FGF12: variants seen among roughly 807,000 people sequenced by gnomAD.
FGF12 encodes fibroblast growth factor 12B.
In FGF12, 14 loss-of-function variants were observed where a neutral mutation model predicts 23.6. The observed-to-expected ratio is 0.59, with a 90% CI of 0.39 to 0.93. FGF12 has a LOEUF of 0.93. Among genes scored for constraint, FGF12 ranks in the 40% least tolerant of loss-of-function variants. The probability of loss-of-function intolerance (pLI) is 0.00; values close to 1 mark genes in which losing one functional copy is unlikely to be tolerated. For synonymous variants in FGF12, 62 were observed against 77.3 expected (o/e 0.80, Z 1.04); for missense variants, 175 against 217.8 (o/e 0.80, Z 1.24).
At chr3:192,357,272 AGGAGAT>A (rs1171764548) in intron 3 of FGF12, among the ~76,000 whole-genome samples, 5 of 152,144 alleles carry the variant, frequency 3.3e-5, no homozygotes, top group Non-Finnish European at 5.9e-5. Context: ...TCACCAGGTC[AGGAGAT>A]CGAGACCATC....
At chr3:192,242,963 G>T (rs1160817568) in intron 4 of FGF12, among the ~76,000 whole-genome samples, 9 of 152,000 alleles carry the variant, frequency 5.9e-5, no homozygotes, top group Non-Finnish European at 1.3e-4. Flanking sequence ...TTAAAAGACA[G>T]AAATCATTTT....
chr3:192,248,110 T>C (rs1000603590), intron 4 of FGF12, among the ~76,000 whole-genome samples: 3 of 152,182 alleles, frequency 2.0e-5, no homozygotes, highest in African/African-American at 7.2e-5. Context: ...ACTATGAACA[T>C]CTACTTCCTC....
chr3:192,604,197 T>G (rs1445141166), intron 2 of FGF12, among the ~76,000 whole-genome samples: 2 of 152,136 alleles, frequency 1.3e-5, no homozygotes, highest in Non-Finnish European at 2.9e-5. Flanking sequence ...TAAAAATCGC[T>G]GTTATTCTGT....
At chr3:192,649,242 T>C (rs1037699996) in intron 2 of FGF12, among the ~76,000 whole-genome samples, 3 of 152,136 alleles carry the variant, frequency 2.0e-5, no homozygotes, top group African/African-American at 7.2e-5. Flanking sequence ...CAGTAGAGGA[T>C]TGATCGCCAC....
intron 4 of FGF12, among the ~76,000 whole-genome samples, chr3:192,248,080 T>C (rs1181551186): frequency 1.3e-5 from 2 of 152,148 alleles, no homozygotes; most frequent in Admixed American, 6.6e-5. Flanking sequence ...CAATATACTA[T>C]CTAGAATCAA....
intron 2 of FGF12, among the ~76,000 whole-genome samples, chr3:192,372,003 G>C (rs1413668150): frequency 1.3e-5 from 2 of 152,162 alleles, no homozygotes; most frequent in African/African-American, 2.4e-5. Flanking sequence ...TGGAGTTGCA[G>C]ACATAGCTTT....
At chr3:192,677,030 G>A (rs902257863) in intron 2 of FGF12, among the ~76,000 whole-genome samples, 26 of 152,204 alleles carry the variant, frequency 1.7e-4, no homozygotes, top group African/African-American at 5.5e-4. Context: ...CCAGTGTCTA[G>A]TAAGTCACTC....
At chr3:192,464,934 T>C (rs114045330) in intron 2 of FGF12, among the ~76,000 whole-genome samples, 1,643 of 152,322 alleles carry the variant, frequency 0.011, 26 homozygotes, top group African/African-American at 0.037. Context: ...GAGAAGTTCC[T>C]ATCTCATTGT....
chr3:192,184,978 C>CA, intron 4 of FGF12, among the ~76,000 whole-genome samples: 1 of 152,340 alleles, frequency 6.6e-6, no homozygotes, highest in Middle Eastern at 3.4e-3. Context: ...TCACAGATTT[C>CA]ATTACAATTT....
At chr3:192,241,102 A>G (rs1451481698) in intron 4 of FGF12, among the ~76,000 whole-genome samples, 1 of 152,200 alleles carries the variant, frequency 6.6e-6, no homozygotes, top group African/African-American at 2.4e-5. Context: ...ACAAAACCCA[A>G]TTTTTAACAT....
At chr3:192,379,370 T>C (rs989908110) in intron 2 of FGF12, among the ~76,000 whole-genome samples, 4 of 125,440 alleles carry the variant, frequency 3.2e-5, no homozygotes, top group African/African-American at 1.2e-4. Context: ...AAGGGATACA[T>C]AAGAAATCCC....
intron 4 of FGF12, among the ~76,000 whole-genome samples, chr3:192,257,397 G>T (rs1712466882): frequency 6.6e-6 from 1 of 152,060 alleles, no homozygotes. Context: ...TCAGAGAGTG[G>T]CAGATGAAGC....
At chr3:192,636,217 T>C (rs1715577456) in intron 2 of FGF12, among the ~76,000 whole-genome samples, 2 of 152,234 alleles carry the variant, frequency 1.3e-5, no homozygotes, top group South Asian at 4.1e-4. Flanking sequence ...CCCTAGATTG[T>C]CAGTTCTGAA....
chr3:192,548,815 A>T (rs1295316505), intron 2 of FGF12, among the ~76,000 whole-genome samples: 1 of 152,104 alleles, frequency 6.6e-6, no homozygotes, highest in East Asian at 1.9e-4. Context: ...CACAGCATTA[A>T]AAAAAACCTG....
intron 2 of FGF12, among the ~76,000 whole-genome samples, chr3:192,634,383 T>C (rs1412241036): frequency 6.6e-6 from 1 of 152,180 alleles, no homozygotes; most frequent in African/African-American, 2.4e-5. Context: ...CTACATAGCA[T>C]TTACATTGTA....
chr3:192,617,686 A>G (rs1714814349), intron 2 of FGF12, among the ~76,000 whole-genome samples: 1 of 152,104 alleles, frequency 6.6e-6, no homozygotes, highest in Non-Finnish European at 1.5e-5. Flanking sequence ...CCAAGATTCC[A>G]CCTTTCAAAT....
intron 2 of FGF12, among the ~76,000 whole-genome samples, chr3:192,475,342 A>T (rs1442364408): frequency 6.6e-6 from 1 of 152,170 alleles, no homozygotes; most frequent in African/African-American, 2.4e-5. Flanking sequence ...ATATCCAAGG[A>T]AGACCTTTCC....
chr3:192,683,957 G>C (rs1717637878), intron 2 of FGF12, among the ~76,000 whole-genome samples: 1 of 152,192 alleles, frequency 6.6e-6, no homozygotes, highest in African/African-American at 2.4e-5. Context: ...GAATTCTTTT[G>C]TGAAAGGTCA....
chr3:192,165,001 G>C (rs1327453721), intron 5 of FGF12, among the ~76,000 whole-genome samples: 1 of 151,888 alleles, frequency 6.6e-6, no homozygotes, highest in Non-Finnish European at 1.5e-5. Context: ...GACCAGGCTG[G>C]AGTGTAGTGG....
Sources: allele counts gnomAD v4.1 joint callset (sites outside exome capture counted in the v4.1 genomes callset), GRCh38; gene constraint gnomAD v4.1.1; transcripts MANE v1.5; gene names NCBI Gene and HGNC (gene_info 2026-07-23, HGNC 2026-07-21).